The following NSMCE2 variants were observed in gnomAD, a reference collection of about 807,000 sequenced individuals.
The protein encoded by NSMCE2 is E3 SUMO-protein ligase NSE2.
In NSMCE2, 24 loss-of-function variants were observed where a neutral mutation model predicts 23.8. That is an observed-to-expected ratio of 1.01 (90% CI 0.73 to 1.42). The LOEUF (loss-of-function observed/expected upper bound fraction) is 1.42, where lower values mean the gene tolerates loss of function less well. NSMCE2 is among the 40% of genes most tolerant of loss of function. NSMCE2 has a pLI of 0.00. For missense variants in NSMCE2, 284 were observed against 296.5 expected (o/e 0.96, Z 0.31); for synonymous variants, 92 against 94.1 (o/e 0.98, Z 0.13).
intron 4 of NSMCE2, among the ~76,000 whole-genome samples, chr8:125,176,724 C>G (rs1822515519): frequency 6.6e-6 from 1 of 152,236 alleles, no homozygotes. Flanking sequence ...CACAGCGACA[C>G]TATACATTGT....
intron 5 of NSMCE2, among the ~76,000 whole-genome samples, chr8:125,336,067 G>A (rs970063825): frequency 3.3e-5 from 5 of 152,082 alleles, no homozygotes; most frequent in African/African-American, 1.2e-4. Flanking sequence ...AGAAGAGTAG[G>A]GAAAGTTAAG....
chr8:125,143,450 A>G (rs1016760428), intron 3 of NSMCE2, among the ~76,000 whole-genome samples: 1 of 152,216 alleles, frequency 6.6e-6, no homozygotes, highest in Non-Finnish European at 1.5e-5. Flanking sequence ...CCTCCTTGCC[A>G]AAATGGACAT....
intron 5 of NSMCE2, among the ~76,000 whole-genome samples, chr8:125,306,903 A>G (rs919444023): frequency 6.6e-6 from 1 of 152,238 alleles, no homozygotes; most frequent in African/African-American, 2.4e-5. Flanking sequence ...CCTTAGCATT[A>G]TGTGAGGAAT....
intron 5 of NSMCE2, among the ~76,000 whole-genome samples, chr8:125,328,488 AAC>A (rs1829758971): frequency 6.6e-6 from 1 of 152,216 alleles, no homozygotes; most frequent in Non-Finnish European, 1.5e-5. Flanking sequence ...GGAGTATCTT[AAC>A]ACACGTTTTC....
intron 5 of NSMCE2, among the ~76,000 whole-genome samples, chr8:125,283,297 C>T (rs533465156): frequency 6.6e-6 from 1 of 152,122 alleles, no homozygotes; most frequent in Non-Finnish European, 1.5e-5. Flanking sequence ...GCCTGTAATC[C>T]CAGCACTTTG....
intron 5 of NSMCE2, among the ~76,000 whole-genome samples, chr8:125,310,505 C>T (rs926021295): frequency 2.0e-5 from 3 of 152,102 alleles, no homozygotes; most frequent in African/African-American, 2.4e-5. Flanking sequence ...TTGGTGTATT[C>T]AATATGGTTT....
chr8:125,222,228 A>AT (rs767107704), intron 5 of NSMCE2, among the ~76,000 whole-genome samples: 1 of 151,392 alleles, frequency 6.6e-6, no homozygotes, highest in Non-Finnish European at 1.5e-5. Context: ...AGTAGGAACG[A>AT]TTTTTTAAAA....
chr8:125,179,166 T>G (rs1359066111), intron 4 of NSMCE2, among the ~76,000 whole-genome samples: 1 of 152,216 alleles, frequency 6.6e-6, no homozygotes, highest in Non-Finnish European at 1.5e-5. Context: ...CTAAGTCCTG[T>G]ATCTGGGTAG....
intron 3 of NSMCE2, among the ~76,000 whole-genome samples, chr8:125,103,230 C>T (rs545064622): frequency 1.1e-3 from 168 of 151,748 alleles, no homozygotes; most frequent in African/African-American, 3.9e-3. Flanking sequence ...CACTTGAACC[C>T]GGGAGGTGGA....
At chr8:125,137,458 T>C (rs1194986041) in intron 3 of NSMCE2, among the ~76,000 whole-genome samples, 1 of 152,210 alleles carries the variant, frequency 6.6e-6, no homozygotes, top group South Asian at 2.1e-4. Flanking sequence ...GATATGCTAA[T>C]CTAAGGCAGT....
intron 3 of NSMCE2, among the ~76,000 whole-genome samples, chr8:125,117,172 G>A (rs1470211424): frequency 1.3e-5 from 2 of 151,984 alleles, no homozygotes; most frequent in East Asian, 1.9e-4. Context: ...TTAGCATTAG[G>A]GTAGCTGCTG....
chr8:125,263,355 G>A (rs1826779617), intron 5 of NSMCE2, among the ~76,000 whole-genome samples: 1 of 152,136 alleles, frequency 6.6e-6, no homozygotes, highest in Non-Finnish European at 1.5e-5. Flanking sequence ...ATACCTGCTG[G>A]CTCATGGAAC....
At chr8:125,350,128 G>A (rs890159950) in intron 5 of NSMCE2, among the ~76,000 whole-genome samples, 1 of 152,198 alleles carries the variant, frequency 6.6e-6, no homozygotes, top group Non-Finnish European at 1.5e-5. Context: ...GCAAGAGAAT[G>A]AAGGCCGTGC....
chr8:125,189,351 G>A (rs1440426221), intron 5 of NSMCE2, among the ~76,000 whole-genome samples: 3 of 152,154 alleles, frequency 2.0e-5, no homozygotes, highest in East Asian at 1.9e-4. Flanking sequence ...ACTGATACTC[G>A]ATTTGCTAAT....
intron 5 of NSMCE2, among the ~76,000 whole-genome samples, chr8:125,245,285 T>C (rs1825911923): frequency 6.6e-6 from 1 of 151,836 alleles, no homozygotes; most frequent in South Asian, 2.1e-4. Flanking sequence ...TCTGTCTCAA[T>C]AAATAAATAA....
intron 4 of NSMCE2, among the ~76,000 whole-genome samples, chr8:125,152,911 G>T (rs553372716): frequency 6.6e-6 from 1 of 151,978 alleles, no homozygotes; most frequent in South Asian, 2.1e-4. Flanking sequence ...ACAAAAATTA[G>T]CCAGGTGTAG....
chr8:125,123,743 T>C lies in NSMCE2; in HGVS notation c.157+21256T>C, dbSNP rs575914814. Among the ~76,000 whole-genome samples the C allele has an allele frequency of 1.6e-3, 247 of 152,362 alleles. 1 individual carries two copies. The highest frequency in any genetic ancestry group is 5.7e-3 in the African/African-American group (239 of 41,586). On this transcript the variant is annotated intron_variant, in intron 3 of 7. Coordinates refer to ENST00000287437, the MANE Select transcript of NSMCE2 (RefSeq NM_173685.4). ...ATTATAGGATGCAATTTTGCTGTAA[T>C]GAAATTCATTTCAGCAGATAATTAA... is the stretch of plus-strand genomic sequence containing the variant.
intron 5 of NSMCE2, among the ~76,000 whole-genome samples, chr8:125,347,242 T>C (rs1812804452): frequency 6.6e-6 from 1 of 152,208 alleles, no homozygotes; most frequent in African/African-American, 2.4e-5. Context: ...CTGATAATGA[T>C]AGAACCAGGC....
chr8:125,135,096 A>G (rs760658769), intron 3 of NSMCE2, among the ~76,000 whole-genome samples: 4 of 151,870 alleles, frequency 2.6e-5, no homozygotes, highest in Admixed American at 2.0e-4. Context: ...TTTTGTATTT[A>G]TGGTAGAGAT....
Sources: gnomAD v4.1 joint callset for allele counts (sites outside exome capture counted in the v4.1 genomes callset) on GRCh38, gnomAD v4.1.1 for gene constraint, MANE v1.5 for transcripts, NCBI Gene and HGNC (gene_info 2026-07-23, HGNC 2026-07-21) for gene names.